The following PPME1 variants were observed in gnomAD, a reference collection of about 807,000 sequenced individuals.
PPME1 encodes testicular secretory protein Li 39.
A neutral mutation model predicts 56.9 loss-of-function variants in PPME1; 17 were observed. The ratio of observed to expected loss-of-function variants is 0.30; its 90% CI spans 0.20 to 0.45. The LOEUF is 0.45. Ranked by LOEUF, PPME1 falls within the 20% of genes least tolerant of loss-of-function variation. PPME1 has a pLI of 1.00. For synonymous variants in PPME1, 122 were observed against 156.2 expected, an observed-to-expected ratio of 0.78 and a Z score of 1.63; for missense variants, 357 against 483.2, an observed-to-expected ratio of 0.74 and a Z score of 2.45.
chr11:74,238,175 T>G (rs1482495132), intron 8 of PPME1: 1 of 152,090 alleles, frequency 6.6e-6, no homozygotes, highest in Non-Finnish European at 1.5e-5. Flanking sequence ...ACACTGTTTT[T>G]TTTTTTTTTA....
chr11:74,200,253 CT>C (rs1185565563), intron 1 of PPME1, among the ~76,000 whole-genome samples: 3 of 152,062 alleles, frequency 2.0e-5, no homozygotes, highest in African/African-American at 7.2e-5. Flanking sequence ...TCTGTTCTGA[CT>C]AAAATACAAA....
At chr11:74,197,380 C>T (rs1436557516) in intron 1 of PPME1, among the ~76,000 whole-genome samples, 2 of 152,042 alleles carry the variant, frequency 1.3e-5, no homozygotes, top group African/African-American at 2.4e-5. Flanking sequence ...ATGGATCTCA[C>T]ATTAGTGGTG....
At chr11:74,200,442 C>T (rs111938624) in intron 1 of PPME1, among the ~76,000 whole-genome samples, 1 of 151,616 alleles carries the variant, frequency 6.6e-6, no homozygotes, top group African/African-American at 2.4e-5. Flanking sequence ...AGGGCAGTGG[C>T]ACGATTTTGA....
chr11:74,227,260 T>G (rs1225358571), intron 5 of PPME1, among the ~76,000 whole-genome samples: 1 of 152,184 alleles, frequency 6.6e-6, no homozygotes, highest in Non-Finnish European at 1.5e-5. Context: ...GTAAAATATT[T>G]ACAGGCCTCA....
At chr11:74,253,381 T>C in intron 13 of PPME1, 111 bp from the exon 14 acceptor site, 3 of 1,117,598 alleles carry the variant, frequency 2.7e-6, no homozygotes, top group Non-Finnish European at 4.0e-6. Context: ...TGGGTCAGAT[T>C]TGCCAGGGCC....
chr11:74,184,624 C>T (rs1857624789), intron 1 of PPME1, among the ~76,000 whole-genome samples: 1 of 152,316 alleles, frequency 6.6e-6, no homozygotes, highest in Admixed American at 6.5e-5. Flanking sequence ...CGCCAGATAT[C>T]ATCCTTGTGA....
Position 74,253,703 on chromosome 11 carries a change from C to A in PPME1, c.*193C>A. On this transcript the variant is annotated 3_prime_UTR_variant, in exon 14 of 14. Coordinates refer to ENST00000328257, the MANE Select transcript of PPME1 (RefSeq NM_016147.3). Reference sequence around the variant, plus strand: ...AGCATTGTTTTCCAGGGCCCTTGACCAACATCGGCTTCCCCAGTCCAGGGC... The same window carrying A: ...AGCATTGTTTTCCAGGGCCCTTGACAAACATCGGCTTCCCCAGTCCAGGGC... 1.5e-6 allele frequency: 1 copy of A among 650,842 alleles called. No individual in the cohort carries two copies. The highest frequency in any genetic ancestry group is 1.8e-5 in the South Asian group (1 of 54,064). 40.3% of individuals were successfully genotyped at this position (650,842 alleles called of 1,614,324 possible).
intron 12 of PPME1, chr11:74,251,280 A>G (rs757976111): frequency 5.6e-5 from 76 of 1,364,844 alleles, no homozygotes; most frequent in Admixed American, 9.4e-5. Context: ...CTACTTCTCC[A>G]ATACCCCCAA....
At chr11:74,178,546 C>T (rs1422313698) in intron 1 of PPME1, among the ~76,000 whole-genome samples, 1 of 152,152 alleles carries the variant, frequency 6.6e-6, no homozygotes, top group African/African-American at 2.4e-5. Context: ...AGAGAATAAA[C>T]AGCATCTGGC....
At chr11:74,220,369 G>A (rs1358813261) in intron 3 of PPME1, among the ~76,000 whole-genome samples, 1 of 152,150 alleles carries the variant, frequency 6.6e-6, no homozygotes, top group Non-Finnish European at 1.5e-5. Flanking sequence ...TTCATTTTGG[G>A]TATACATTAG....
chr11:74,198,570 T>C (rs1439356159), intron 1 of PPME1, among the ~76,000 whole-genome samples: 1 of 152,152 alleles, frequency 6.6e-6, no homozygotes, highest in Admixed American at 6.5e-5. Flanking sequence ...CAAATGATCC[T>C]CCTGCCTCAG....
At chr11:74,189,372 C>G (rs1344015734) in intron 1 of PPME1, among the ~76,000 whole-genome samples, 2 of 152,210 alleles carry the variant, frequency 1.3e-5, no homozygotes, top group African/African-American at 4.8e-5. Context: ...TCACTGCAGC[C>G]TTGACTCCCT....
chr11:74,196,632 A>G (rs908796082), intron 1 of PPME1, among the ~76,000 whole-genome samples: 9 of 127,214 alleles, frequency 7.1e-5, no homozygotes, highest in African/African-American at 2.9e-4. Context: ...GCAAAGTAAA[A>G]GCAAGTTTAC....
At chr11:74,203,195 G>C (rs985042643) in intron 1 of PPME1, among the ~76,000 whole-genome samples, 15 of 152,106 alleles carry the variant, frequency 9.9e-5, no homozygotes, top group African/African-American at 3.4e-4. Flanking sequence ...GTAAGTTGAA[G>C]GTATTGATAT....
chr11:74,214,811 C>A (rs1477784716), intron 3 of PPME1, among the ~76,000 whole-genome samples: 2 of 152,074 alleles, frequency 1.3e-5, no homozygotes, highest in Non-Finnish European at 2.9e-5. Context: ...ACCAGACTTA[C>A]AAGAAATGCT....
chr11:74,210,264 T>C (rs1390824936), intron 3 of PPME1, among the ~76,000 whole-genome samples: 1 of 152,170 alleles, frequency 6.6e-6, no homozygotes, highest in Non-Finnish European at 1.5e-5. Context: ...AAGGACTTGA[T>C]AAACTATAAT....
intron 1 of PPME1, among the ~76,000 whole-genome samples, chr11:74,186,429 A>G (rs868018111): frequency 1.0e-4 from 15 of 146,994 alleles, no homozygotes; most frequent in African/African-American, 3.8e-4. Context: ...TTTTGAGGAT[A>G]GTATTGAAAA....
intron 3 of PPME1, among the ~76,000 whole-genome samples, chr11:74,217,084 T>C (rs1858666610): frequency 6.6e-6 from 1 of 151,934 alleles, no homozygotes; most frequent in African/African-American, 2.4e-5. Context: ...TTCTGAAAAA[T>C]AGAGGAGGAG....
intron 5 of PPME1, among the ~76,000 whole-genome samples, chr11:74,229,829 A>C (rs1859022465): frequency 6.6e-6 from 1 of 152,196 alleles, no homozygotes. Context: ...TGTGATTCTG[A>C]GGTTTACTAC....
Sources: gnomAD v4.1 joint callset for allele counts (sites outside exome capture counted in the v4.1 genomes callset) on GRCh38, gnomAD v4.1.1 for gene constraint, MANE v1.5 for transcripts, NCBI Gene and HGNC (gene_info 2026-07-23, HGNC 2026-07-21) for gene names.